The following SOS2 variants were observed in gnomAD, a reference collection of about 807,000 sequenced individuals.
SOS2 encodes son of sevenless homolog 2.
In SOS2, 65 loss-of-function variants were observed where a neutral mutation model predicts 148.2. The observed-to-expected ratio is 0.44, with a 90% CI of 0.36 to 0.54. The LOEUF is 0.54. Among genes scored for constraint, SOS2 ranks in the 20% least tolerant of loss-of-function variants. SOS2 has a pLI of 0.00. For synonymous variants in SOS2, 539 were observed against 537.1 expected (o/e 1.00, Z -0.05); for missense variants, 1,341 against 1,590.2 (o/e 0.84, Z 2.67).
intron 17 of SOS2, 71 bp downstream of exon 17, chr14:50,139,871 G>A (rs1352330629): frequency 3.0e-6 from 2 of 662,064 alleles, no homozygotes; most frequent in South Asian, 2.1e-5. Context: ...AAGATAACAT[G>A]CCTCTGAAGA....
Position 50,118,223 on chromosome 14 carries a change from T to G in SOS2, c.*121A>C. ...AATTCTTAAAAGCTTATTTGATCAG[T>G]AGCATTTTTGTAAGAGCATTATTTG... On this transcript the variant is annotated 3_prime_UTR_variant, in exon 23 of 23. Coordinates refer to ENST00000216373, the MANE Select transcript of SOS2 (RefSeq NM_006939.4). 2.5e-6 allele frequency: 2 copies of G among 812,974 alleles called. No homozygotes were observed. The highest frequency in any genetic ancestry group is 3.8e-6 in the Non-Finnish European group (2 of 521,464). The allele number at this position is 812,974 out of a possible 1,614,324, so 50.4% of individuals were successfully genotyped here.
chr14:50,197,999 C>CTTT (rs35683627), intron 4 of SOS2, among the ~76,000 whole-genome samples: 59 of 135,074 alleles, frequency 4.4e-4, no homozygotes, highest in African/African-American at 1.5e-3. Context: ...GCTTTGCCAT[C>CTTT]TTTTTTTTTT....
chr14:50,153,806 T>C (rs903072491), intron 12 of SOS2, among the ~76,000 whole-genome samples: 1 of 152,104 alleles, frequency 6.6e-6, no homozygotes, highest in Non-Finnish European at 1.5e-5. Context: ...AGAGACGACG[T>C]TTTACCATGT....
intron 1 of SOS2, among the ~76,000 whole-genome samples, chr14:50,208,946 G>T (rs1886766875): frequency 1.3e-5 from 2 of 152,140 alleles, no homozygotes; most frequent in African/African-American, 4.8e-5. Context: ...GGGTATCTCT[G>T]GAGGAGATTA....
intron 16 of SOS2, among the ~76,000 whole-genome samples, chr14:50,143,601 C>G (rs1174393777): frequency 6.6e-6 from 1 of 151,976 alleles, no homozygotes; most frequent in East Asian, 1.9e-4. Context: ...ACCACCATGC[C>G]TGACTAATTT....
intron 8 of SOS2, among the ~76,000 whole-genome samples, chr14:50,167,085 G>A (rs892443102): frequency 2.6e-5 from 4 of 151,332 alleles, no homozygotes; most frequent in African/African-American, 4.9e-5. Flanking sequence ...CAAAAAACCC[G>A]TGATCATATT....
chr14:50,180,469 T>G, intron 7 of SOS2, 103 bp downstream of exon 7: 1 of 606,478 alleles, frequency 1.6e-6, no homozygotes. Flanking sequence ...ATTTGAAGGA[T>G]TACGAGGATT....
At chr14:50,196,870 G>C (rs780128778) in intron 4 of SOS2, among the ~76,000 whole-genome samples, 11 of 151,950 alleles carry the variant, frequency 7.2e-5, no homozygotes, top group African/African-American at 1.9e-4. Context: ...GGAACAACCG[G>C]AACTTTTTTT....
At chr14:50,141,065 G>A (rs1418990429) in intron 16 of SOS2, among the ~76,000 whole-genome samples, 6 of 151,634 alleles carry the variant, frequency 4.0e-5, no homozygotes, top group Admixed American at 2.0e-4. Context: ...TTAGCCGGGC[G>A]TGGTGGCGGG....
At chr14:50,169,508 C>T (rs190416934) in intron 8 of SOS2, among the ~76,000 whole-genome samples, 31 of 151,534 alleles carry the variant, frequency 2.0e-4, no homozygotes, top group Admixed American at 7.9e-4. Flanking sequence ...GGTGTGGTGG[C>T]GGTCACCTGT....
intron 10 of SOS2, among the ~76,000 whole-genome samples, chr14:50,159,010 C>T (rs1566831016): frequency 6.6e-6 from 1 of 151,970 alleles, no homozygotes; most frequent in East Asian, 1.9e-4. Context: ...CGGTGAAACC[C>T]CATCTCTACT....
intron 6 of SOS2, among the ~76,000 whole-genome samples, chr14:50,181,769 T>C (rs1176449557): frequency 1.3e-5 from 2 of 152,100 alleles, no homozygotes; most frequent in East Asian, 3.9e-4. Context: ...CTGGGTGTTA[T>C]AAAATAAAGT....
chr14:50,168,898 T>C (rs189265127), intron 8 of SOS2, among the ~76,000 whole-genome samples: 25 of 152,360 alleles, frequency 1.6e-4, no homozygotes, highest in Admixed American at 1.4e-3. Context: ...TTCTTGGATT[T>C]AGTGTTTAAA....
At chr14:50,214,395 G>A (rs1368784751) in intron 1 of SOS2, among the ~76,000 whole-genome samples, 1 of 151,774 alleles carries the variant, frequency 6.6e-6, no homozygotes, top group Non-Finnish European at 1.5e-5. Context: ...TTCAAATTAG[G>A]TTTTGGAGAA....
rs943039024 is a variant in SOS2, at chr14:50,221,928, TG to T, written c.87+9268del. 2.6e-5 allele frequency among the ~76,000 whole-genome samples: 4 copies of T among 152,288 alleles called. No homozygotes were observed. The South Asian group carries it at 6.2e-4, about 24-fold the overall frequency. On this transcript the variant is annotated intron_variant, in intron 1 of 22. Transcript: ENST00000216373. ...TTTAAATTCAATATGTAGACTTTTT[TG>T]TTGTTGTAAGGAGTATAAATAAAAA...
chr14:50,225,395 T>C (rs1266766573), intron 1 of SOS2, among the ~76,000 whole-genome samples: 1 of 152,208 alleles, frequency 6.6e-6, no homozygotes, highest in African/African-American at 2.4e-5. Flanking sequence ...CCATGGTTAA[T>C]ACAAAAGACA....
At chr14:50,167,130 T>A (rs1168414278) in intron 8 of SOS2, among the ~76,000 whole-genome samples, 1 of 151,290 alleles carries the variant, frequency 6.6e-6, no homozygotes, top group Non-Finnish European at 1.5e-5. Context: ...ACACTAACTT[T>A]AAAAAAAAAC....
At chr14:50,149,954 G>C in intron 14 of SOS2, 54 bp downstream of exon 14, 1 of 1,209,520 alleles carries the variant, frequency 8.3e-7, no homozygotes, top group Non-Finnish European at 1.2e-6. Flanking sequence ...TTTGAAAATA[G>C]GTAATGTTCA....
intron 14 of SOS2, among the ~76,000 whole-genome samples, chr14:50,145,836 A>G (rs561433570): frequency 6.6e-5 from 10 of 152,284 alleles, no homozygotes; most frequent in Non-Finnish European, 1.3e-4. Context: ...TAGATGAACA[A>G]AAGTCTGATA....
Sources: gnomAD v4.1 joint callset for allele counts (sites outside exome capture counted in the v4.1 genomes callset) on GRCh38, gnomAD v4.1.1 for gene constraint, MANE v1.5 for transcripts, NCBI Gene and HGNC (gene_info 2026-07-23, HGNC 2026-07-21) for gene names.